The following RFWD3 variants were observed in gnomAD, a reference collection of about 807,000 sequenced individuals.
RFWD3 encodes the protein ring finger and WD repeat domain 3.
In RFWD3, 65 loss-of-function variants were observed where a neutral mutation model predicts 87.7. The observed-to-expected ratio is 0.74, with a 90% CI of 0.61 to 0.91. The LOEUF (loss-of-function observed/expected upper bound fraction) is 0.91, where lower values mean the gene tolerates loss of function less well. Among genes scored for constraint, RFWD3 ranks in the 40% least tolerant of loss-of-function variants. The pLI is 0.00. For synonymous variants in RFWD3, 433 were observed against 352.8 expected, an observed-to-expected ratio of 1.23 and a Z score of -2.55; for missense variants, 1,078 against 938.5, an observed-to-expected ratio of 1.15 and a Z score of -1.94.
chr16:74,628,167 C>T (rs942813226), intron 11 of RFWD3, among the ~76,000 whole-genome samples: 1 of 152,138 alleles, frequency 6.6e-6, no homozygotes, highest in Non-Finnish European at 1.5e-5. Context: ...GAGCTGGCCC[C>T]CTTGTTCCAC....
Position 74,626,537 on chromosome 16 carries a change from T to A in RFWD3, c.1987A>T (p.Ile663Leu). The change falls in exon 12 of 13, where the codon ATA becomes TTA. Residue 663 changes from isoleucine to leucine, a missense_variant. Physicochemically the swap from Ile to Leu is conservative, Grantham distance 5. Transcript: ENST00000361070. Reference sequence around the variant, plus strand: ...GACATTTCCATCAGCACACTTCGTATGGTGGTGTGATTTTTATCTATGGGA... The same window carrying A: ...GACATTTCCATCAGCACACTTCGTAAGGTGGTGTGATTTTTATCTATGGGA... ...TYRPDKNHTT[I>L]RSVLMEMSYR... is the part of the protein sequence containing the mutation. 6.2e-7 allele frequency: 1 copy of A among 1,614,178 alleles called. No individual in the cohort carries two copies. Among genetic ancestry groups the A allele is most frequent in the Non-Finnish European group, 8.5e-7 (1 of 1,180,012 alleles).
In RFWD3 at chr16:74,661,469, G is replaced by A; in HGVS notation, c.-2-18C>T. The A allele has an allele frequency of 6.4e-7, 1 of 1,565,946 alleles. No homozygotes were observed. Among genetic ancestry groups the A allele is most frequent in the South Asian group, 1.2e-5 (1 of 84,376 alleles). On this transcript the variant is annotated intron_variant, in intron 1 of 12. Coordinates refer to ENST00000361070, the MANE Select transcript of RFWD3 (RefSeq NM_018124.4). ...AGCCATCACTAGAGAAACAGTATTT[G>A]TAAAAAGTATTAATAAAATAGATAA...
Position 74,661,076 on chromosome 16 carries a change from C to A in RFWD3, c.374G>T (p.Ser125Ile). 6.2e-7 allele frequency: 1 copy of A among 1,614,204 alleles called. No individual in the cohort carries two copies. Among genetic ancestry groups the A allele is most frequent in the Non-Finnish European group, 8.5e-7 (1 of 1,180,038 alleles). The change falls in exon 2 of 13, where the codon AGC becomes ATC. Residue 125 changes from serine to isoleucine, a missense_variant. Ser to Ile is a moderately radical substitution (Grantham distance 142, BLOSUM62 -2). Coordinates refer to ENST00000361070, the MANE Select transcript of RFWD3 (RefSeq NM_018124.4). The stretch of plus-strand genomic sequence containing the variant: ...CATGCCATGAAGTCTCTGCAGTCCG[C>A]TGATGAAGTTGGTCATTGAATGCAA... ...SSLHSMTNFI[S>I]GLQRLHGMLE...
At chr16:74,626,090 G>C (rs1224574564) in intron 12 of RFWD3, among the ~76,000 whole-genome samples, 1 of 152,158 alleles carries the variant, frequency 6.6e-6, no homozygotes, top group Non-Finnish European at 1.5e-5. Flanking sequence ...AGGAGGCTGA[G>C]GCAGGAGAAT....
At chr16:74,658,921 C>A (rs1271445029) in intron 2 of RFWD3, among the ~76,000 whole-genome samples, 1 of 152,056 alleles carries the variant, frequency 6.6e-6, no homozygotes, top group Non-Finnish European at 1.5e-5. Context: ...GTGTGTGCCA[C>A]CACGCCCGGC....
intron 9 of RFWD3, among the ~76,000 whole-genome samples, 179 bp downstream of exon 9, chr16:74,632,344 A>T (rs1389121153): frequency 6.6e-6 from 1 of 151,984 alleles, no homozygotes; most frequent in Non-Finnish European, 1.5e-5. Context: ...GTGAGCCGAG[A>T]TCCCACCAGT....
Position 74,632,691 on chromosome 16 carries a change from G to C in RFWD3, c.1427-18C>G. On this transcript the variant is annotated intron_variant, in intron 8 of 12. Coordinates refer to ENST00000361070, the MANE Select transcript of RFWD3 (RefSeq NM_018124.4). ...ACCAAAGCCTGAAAAAGGCAAAATA[G>C]TATGAAATAGATCACTGAAAGTGAA... 1 of 1,612,708 alleles carries C rather than the reference G, an allele frequency of 6.2e-7. No homozygotes were observed. Among genetic ancestry groups the C allele is most frequent in the Middle Eastern group, 1.7e-4 (1 of 6,038 alleles).
chr16:74,636,663 T>C (rs1256595722), intron 7 of RFWD3, 86 bp from the exon 8 acceptor site: 1 of 1,020,172 alleles, frequency 9.8e-7, no homozygotes, highest in African/African-American at 1.6e-5. Context: ...TACAGGAAGA[T>C]TTTTTATCCA....
intron 8 of RFWD3, among the ~76,000 whole-genome samples, chr16:74,632,913 C>T (rs941189656): frequency 5.3e-5 from 8 of 152,096 alleles, no homozygotes; most frequent in Admixed American, 2.0e-4. Context: ...GTGATCTGCT[C>T]GCCTCAGCCT....
intron 11 of RFWD3, 54 bp from the exon 12 acceptor site, chr16:74,626,608 AC>A: frequency 6.9e-7 from 1 of 1,458,176 alleles, no homozygotes; most frequent in Non-Finnish European, 9.6e-7. Context: ...CAAAAAATTA[AC>A]CAAGTACCCA....
At chr16:74,663,675 G>A (rs1007134803) in intron 1 of RFWD3, among the ~76,000 whole-genome samples, 9 of 152,208 alleles carry the variant, frequency 5.9e-5, no homozygotes, top group Admixed American at 2.6e-4. Context: ...TAACCAGGAC[G>A]ACACAAATGC....
chr16:74,628,300 C>A, intron 11 of RFWD3, 152 bp downstream of exon 11: 1 of 677,546 alleles, frequency 1.5e-6, no homozygotes. Context: ...AGCTTGGAGC[C>A]ACCATACTCC....
chr16:74,636,871 C>T (rs959634244), intron 7 of RFWD3, among the ~76,000 whole-genome samples: 10 of 151,656 alleles, frequency 6.6e-5, no homozygotes, highest in East Asian at 1.9e-4. Flanking sequence ...CTACCATGCC[C>T]GGCTAATTTT....
chr16:74,661,350 C>T lies in RFWD3; in HGVS notation c.100G>A (p.Ala34Thr), dbSNP rs201677068. Reference sequence around the variant, plus strand: ...TCAGCAGGAACAGGCTGGAGGAGGGCTGGTCCCCCTTGGCTGCTGGCCATG... The same window carrying T: ...TCAGCAGGAACAGGCTGGAGGAGGGTTGGTCCCCCTTGGCTGCTGGCCATG... The part of the protein sequence containing the change: ...AGMASSQGGP[A>T]LLQPVPADVV... The change falls in exon 2 of 13, where the codon GCC (alanine) becomes ACC (threonine). Residue 34 changes from alanine to threonine, a missense_variant. By Grantham distance (58) the Ala-to-Thr change is moderately conservative (BLOSUM62 0). Transcript: ENST00000361070. 1.2e-6 allele frequency: 2 copies of T among 1,614,064 alleles called. No homozygotes were observed. Among genetic ancestry groups the T allele is most frequent in the African/African-American group, 2.7e-5 (2 of 75,050 alleles).
intron 2 of RFWD3, 103 bp from the exon 3 acceptor site, chr16:74,652,225 A>G: frequency 9.7e-7 from 1 of 1,036,032 alleles, no homozygotes; most frequent in Non-Finnish European, 1.4e-6. Context: ...ACCCATCTCC[A>G]GGCCATTAAA....
intron 1 of RFWD3, chr16:74,664,244 G>C (rs1484334777): frequency 6.6e-6 from 1 of 152,100 alleles, no homozygotes; most frequent in African/African-American, 2.4e-5. Flanking sequence ...AGCTACTGCA[G>C]CTGCCTAACT....
intron 7 of RFWD3, among the ~76,000 whole-genome samples, chr16:74,637,075 A>T (rs1041802892): frequency 6.7e-6 from 1 of 149,262 alleles, no homozygotes; most frequent in Non-Finnish European, 1.5e-5. Flanking sequence ...ACAGAATCAT[A>T]ATATGAGGGT....
intron 8 of RFWD3, among the ~76,000 whole-genome samples, chr16:74,632,927 A>G (rs994772607): frequency 3.3e-5 from 5 of 152,210 alleles, no homozygotes; most frequent in African/African-American, 1.2e-4. Flanking sequence ...TCAGCCTCCC[A>G]AAGTGCTGGG....
At chr16:74,629,168 C>T (rs1959018597) in intron 10 of RFWD3, among the ~76,000 whole-genome samples, 2 of 152,184 alleles carry the variant, frequency 1.3e-5, no homozygotes. Context: ...GGACTATGCG[C>T]CAAGAATTCT....
Sources: gnomAD v4.1 joint callset for allele counts (sites outside exome capture counted in the v4.1 genomes callset) on GRCh38, gnomAD v4.1.1 for gene constraint, MANE v1.5 for transcripts, NCBI Gene and HGNC (gene_info 2026-07-23, HGNC 2026-07-21) for gene names.